The following ZNF808 variants were observed in gnomAD, a reference collection of about 807,000 sequenced individuals.
ZNF808 encodes the protein zinc finger protein 808.
A neutral mutation model predicts 8.7 loss-of-function variants in ZNF808; 5 were observed. The ratio of observed to expected loss-of-function variants is 0.58; its 90% CI spans 0.30 to 1.21. The LOEUF (loss-of-function observed/expected upper bound fraction) is 1.21. Among genes scored for constraint, ZNF808 ranks in the 50% most tolerant of loss-of-function variants. The pLI is 0.07. For synonymous variants in ZNF808, 380 were observed against 366.0 expected (o/e 1.04, Z -0.44); for missense variants, 1,103 against 1,098.4 (o/e 1.00, Z -0.06).
intron 4 of ZNF808, among the ~76,000 whole-genome samples, chr19:52,550,557 C>T (rs1192828353): frequency 2.6e-5 from 4 of 151,126 alleles, no homozygotes; most frequent in African/African-American, 9.7e-5. Context: ...TGGAGTTTCC[C>T]TCTTGTTGCC....
At position 52,555,714 on chromosome 19, in the gene ZNF808, G is replaced by T; in HGVS notation, c.*86G>T. ...CATGATGAAGAGAAATCTTCTGAGT[G>T]TAATAAATGTGGCATGTTTTTCAGA... On this transcript the variant is annotated 3_prime_UTR_variant, in exon 5 of 5. Coordinates refer to ENST00000359798, the MANE Select transcript of ZNF808 (RefSeq NM_001039886.4). 6.5e-7 allele frequency: 1 copy of T among 1,528,482 alleles called. No homozygotes were observed. The highest frequency in any genetic ancestry group is 1.2e-5 in the South Asian group (1 of 80,532). The allele number at this position is 1,528,482 out of a possible 1,614,324, so 94.7% of individuals were successfully genotyped here.
At position 52,554,005 on chromosome 19, in the gene ZNF808, A is replaced by C. The variant is rs757880914; in HGVS notation, c.1089A>C (p.Arg363Ser). ...AATCACACCTTTCACGCCATCAAAG[A>C]CTTCATACTGGAGTGAAACCTTACA... ...NQQSHLSRHQ[R>S]LHTGVKPYKC... Residue 363 changes from arginine to serine, a missense_variant, in exon 5 of 5, where the codon AGA becomes AGC. Coordinates refer to ENST00000359798, the MANE Select transcript of ZNF808 (RefSeq NM_001039886.4). 1.2e-6 allele frequency: 2 copies of C among 1,614,152 alleles called. No individual in the cohort carries two copies. The highest frequency in any genetic ancestry group is 2.2e-5 in the South Asian group (2 of 91,068).
intron 1 of ZNF808, among the ~76,000 whole-genome samples, chr19:52,528,398 CAGT>C (rs2059530169): frequency 1.3e-5 from 2 of 152,040 alleles, no homozygotes; most frequent in Admixed American, 1.3e-4. Context: ...AGACAGACAG[CAGT>C]AGAAAACCTG....
chr19:52,561,639 C>T (rs2123227681), intron 3 of ZNF808, among the ~76,000 whole-genome samples: 1 of 152,062 alleles, frequency 6.6e-6, no homozygotes, highest in South Asian at 2.1e-4. Flanking sequence ...CCTCTGCCTC[C>T]CAGGTTCAAG....
intron 2 of ZNF808, among the ~76,000 whole-genome samples, chr19:52,539,767 G>A (rs1023335340): frequency 4.0e-5 from 6 of 151,420 alleles, no homozygotes; most frequent in African/African-American, 1.5e-4. Flanking sequence ...TGGTCAGGCT[G>A]GTCTTGAACT....
At chr19:52,532,181 T>G (rs2059567142) in intron 1 of ZNF808, among the ~76,000 whole-genome samples, 1 of 152,152 alleles carries the variant, frequency 6.6e-6, no homozygotes, top group Admixed American at 6.6e-5. Context: ...CTGTTCTGCG[T>G]GGATTTAGGT....
In ZNF808 at chr19:52,555,762, A is replaced by G. The variant is rs2059830884; in HGVS notation, c.*134A>G. ...AGACATTGTTCATACATTGCAGTTC[A>G]TTGGCAACCTCATACTGGAGAGAAA... On this transcript the variant is annotated 3_prime_UTR_variant, in exon 5 of 5. Coordinates refer to ENST00000359798, the MANE Select transcript of ZNF808 (RefSeq NM_001039886.4). 7.7e-7 allele frequency: 1 copy of G among 1,303,872 alleles called. No individual in the cohort carries two copies. Among genetic ancestry groups the G allele is most frequent in the Non-Finnish European group, 1.1e-6 (1 of 925,330 alleles). 80.8% of individuals were successfully genotyped at this position (1,303,872 alleles called of 1,614,324 possible).
At position 52,561,771 on chromosome 19, in the gene ZNF808, T is replaced by C. The variant is rs533648766; in HGVS notation, c.*423-1547T>C. Among the ~76,000 whole-genome samples the C allele has an allele frequency of 3.2e-4, 49 of 152,112 alleles. 2 individuals are homozygous for C. The South Asian group carries it at 8.7e-3, about 27-fold the overall frequency. On this transcript the variant is annotated intron_variant and NMD_transcript_variant, in intron 3 of 3. Coordinates refer to the ZNF808 transcript ENST00000487863. ...CATGTTAGTCAGACTGCTCTCAAGC[T>C]CCCGACCTCAGGAGATCCACCCGCC...
downstream of ZNF808, among the ~76,000 whole-genome samples, chr19:52,567,482 AT>A (rs751832324): frequency 1.1e-5 from 1 of 91,634 alleles, no homozygotes; most frequent in East Asian, 3.1e-4. Context: ...GTCCAGCTGT[AT>A]TTTTTATTAT....
intron 2 of ZNF808, among the ~76,000 whole-genome samples, chr19:52,534,340 C>T (rs1421723743): frequency 6.6e-6 from 1 of 152,180 alleles, no homozygotes; most frequent in Non-Finnish European, 1.5e-5. Flanking sequence ...TTCAAGTCCT[C>T]TTCCCTGAGG....
At position 52,555,747 on chromosome 19, in the gene ZNF808, C is replaced by A; in HGVS notation, c.*119C>A. 1 of 1,434,472 alleles carries A rather than the reference C, an allele frequency of 7.0e-7. No homozygotes were observed. Among genetic ancestry groups the A allele is most frequent in the Non-Finnish European group, 9.5e-7 (1 of 1,047,408 alleles). The allele number at this position is 1,434,472 out of a possible 1,614,324, so 88.9% of individuals were successfully genotyped here. A position where few individuals can be genotyped will look rare whatever the true frequency, so the allele number is the denominator to read the frequency against. ...TGTGGCATGTTTTTCAGACATTGTT[C>A]ATACATTGCAGTTCATTGGCAACCT... On this transcript the variant is annotated 3_prime_UTR_variant, in exon 5 of 5. Coordinates refer to ENST00000359798, the MANE Select transcript of ZNF808 (RefSeq NM_001039886.4).
chr19:52,542,950 C>CT (rs1189395389), intron 2 of ZNF808, among the ~76,000 whole-genome samples: 1 of 121,858 alleles, frequency 8.2e-6, no homozygotes, highest in Non-Finnish European at 1.6e-5. Context: ...GTGCCCAGAT[C>CT]TTTTTTTTGG....
Position 52,548,663 on chromosome 19 carries a change from G to T in ZNF808, c.190+1025G>T, listed in dbSNP as rs533156603. On this transcript the variant is annotated intron_variant, in intron 4 of 4. Transcript: ENST00000359798. Reference sequence around the variant, plus strand: ...TGGTTTTGATAGCCTGGCCTGATGTGATTCAGCTGCCTTGGATTCCCAAAG... The same window carrying T: ...TGGTTTTGATAGCCTGGCCTGATGTTATTCAGCTGCCTTGGATTCCCAAAG... Among the ~76,000 whole-genome samples, 91 of 152,218 alleles carry T rather than the reference G, an allele frequency of 6.0e-4. 1 individual carries two copies. The East Asian group carries it at 0.011, about 19-fold the overall frequency.
In ZNF808 at chr19:52,530,489, C is replaced by G. The variant is rs1453032043; in HGVS notation, c.-121-2419C>G. ...CCAGCCTGGCTGACACAGTGAAACTCAATCTCTACTAAAAAATACAAAAAT... is the reference window on the plus strand; with the variant it reads ...CCAGCCTGGCTGACACAGTGAAACTGAATCTCTACTAAAAAATACAAAAAT... On this transcript the variant is annotated intron_variant, in intron 1 of 4. Transcript: ENST00000359798. Among the ~76,000 whole-genome samples, 4 of 152,120 alleles carry G rather than the reference C, an allele frequency of 2.6e-5. No homozygotes were observed. In the East Asian group the frequency reaches 5.9e-4, roughly 22 times the overall value.
At chr19:52,539,240 C>CTGGAG (rs1365210054) in intron 2 of ZNF808, among the ~76,000 whole-genome samples, 2 of 136,832 alleles carry the variant, frequency 1.5e-5, no homozygotes, top group African/African-American at 5.6e-5. Flanking sequence ...GTCACGCAGG[C>CTGGAG]TGGAGTGGAG....
chr19:52,565,887 A>G (rs1404233832), downstream of ZNF808, among the ~76,000 whole-genome samples: 1 of 152,182 alleles, frequency 6.6e-6, no homozygotes, highest in Non-Finnish European at 1.5e-5. Context: ...CATCTTGGGC[A>G]CACGTCATCA....
intron 2 of ZNF808, among the ~76,000 whole-genome samples, chr19:52,537,860 A>G (rs2059628554): frequency 6.6e-6 from 1 of 152,132 alleles, no homozygotes; most frequent in Non-Finnish European, 1.5e-5. Context: ...TGTATGTTCT[A>G]TAAATATTGG....
intron 1 of ZNF808, among the ~76,000 whole-genome samples, chr19:52,531,952 T>A (rs1327644968): frequency 6.6e-6 from 1 of 152,204 alleles, no homozygotes; most frequent in African/African-American, 2.4e-5. Context: ...ATTTCAGTCT[T>A]ATAGTGTGTG....
chr19:52,540,595 T>C (rs1329628013), intron 2 of ZNF808, among the ~76,000 whole-genome samples: 1 of 152,160 alleles, frequency 6.6e-6, no homozygotes, highest in Non-Finnish European at 1.5e-5. Flanking sequence ...CCATTTTTTT[T>C]TCTTATGTCA....
Sources: allele counts gnomAD v4.1 joint callset (sites outside exome capture counted in the v4.1 genomes callset), GRCh38; gene constraint gnomAD v4.1.1; transcripts MANE v1.5; gene names NCBI Gene and HGNC (gene_info 2026-07-23, HGNC 2026-07-21).